PDE1C: variants seen among roughly 807,000 people sequenced by gnomAD.
The protein encoded by PDE1C is dual specificity calcium/calmodulin-dependent 3',5'-cyclic nucleotide phosphodiesterase 1C.
PDE1C carries 62 observed loss-of-function variants against 93.1 expected under a neutral mutation model. The observed-to-expected ratio is 0.67, with a 90% CI of 0.54 to 0.82. The LOEUF is 0.82. PDE1C is among the 40% of genes least tolerant of loss of function. The pLI is 0.00. For synonymous variants in PDE1C, 325 were observed against 310.1 expected (o/e 1.05, Z -0.50); for missense variants, 742 against 884.6 (o/e 0.84, Z 2.04).
chr7:31,713,571 T>C, the PDE1C span, among the ~76,000 whole-genome samples: 32 of 152,336 alleles, frequency 2.1e-4, no homozygotes, highest in Admixed American at 3.9e-4. Context: ...GACACTGTGT[T>C]GGGGCTCCAA....
chr7:31,865,371 G>A (rs1397855666), intron 6 of PDE1C, among the ~76,000 whole-genome samples: 1 of 152,146 alleles, frequency 6.6e-6, no homozygotes, highest in African/African-American at 2.4e-5. Context: ...TTAGTAACAT[G>A]TAAAGCAGTA....
rs540936298 is a variant in PDE1C, at chr7:32,083,609, G to A, written c.308+86176C>T. On this transcript the variant is annotated intron_variant, in intron 3 of 18. Coordinates refer to the PDE1C transcript ENST00000396193. ...TTAAGGGCAGCCAGAGAGAAAGGTC[G>A]GATTACCCACAAAGGGAAGCCCATC... Among the ~76,000 whole-genome samples the A allele has an allele frequency of 7.0e-3, 1,068 of 152,216 alleles. 16 individuals are homozygous for A. The highest frequency in any genetic ancestry group is 0.023 in the African/African-American group (946 of 41,534).
intron 2 of PDE1C, among the ~76,000 whole-genome samples, chr7:31,950,383 G>A (rs570185906): frequency 1.3e-5 from 2 of 152,166 alleles, no homozygotes; most frequent in East Asian, 3.9e-4. Context: ...AACCAAATGA[G>A]CACACCTCCA....
chr7:31,995,330 T>C (rs916321503), intron 2 of PDE1C, among the ~76,000 whole-genome samples: 1 of 151,792 alleles, frequency 6.6e-6, no homozygotes, highest in African/African-American at 2.4e-5. Flanking sequence ...GACAAGAGAG[T>C]CCATTACGCA....
At position 32,353,717 on chromosome 7, in the gene PDE1C, T is replaced by A. The variant is rs560161749; in HGVS notation, c.310+74105A>T. Among the ~76,000 whole-genome samples the A allele has an allele frequency of 2.0e-5, 3 of 152,340 alleles. No individual in the cohort carries two copies. In the South Asian group the frequency reaches 6.2e-4, roughly 32 times the overall value. The stretch of plus-strand genomic sequence containing the variant: ...TGAGTGTATTGTCTTTGAGATTGTT[T>A]TAAATTTCTTGCATGAGAGGAACTG... On this transcript the variant is annotated intron_variant, in intron 1 of 1. Coordinates refer to the PDE1C transcript ENST00000672256.
intron 1 of PDE1C, among the ~76,000 whole-genome samples, chr7:32,310,603 C>A (rs1192559803): frequency 6.6e-6 from 1 of 152,190 alleles, no homozygotes; most frequent in African/African-American, 2.4e-5. Flanking sequence ...GAAACTCACT[C>A]AAAACTGCTC....
At chr7:32,382,990 TAC>T (rs1370093401) in intron 1 of PDE1C, among the ~76,000 whole-genome samples, 1 of 152,060 alleles carries the variant, frequency 6.6e-6, no homozygotes, top group Non-Finnish European at 1.5e-5. Context: ...TTCAAATACA[TAC>T]ACACACACAC....
chr7:31,999,136 C>G (rs1002149734), intron 2 of PDE1C, among the ~76,000 whole-genome samples: 2 of 152,072 alleles, frequency 1.3e-5, no homozygotes, highest in Non-Finnish European at 2.9e-5. Context: ...CACTGTGTAC[C>G]GGGCACTGTG....
At chr7:31,720,124 C>T in the PDE1C span, among the ~76,000 whole-genome samples, 1 of 136,168 alleles carries the variant, frequency 7.3e-6, no homozygotes, top group African/African-American at 2.8e-5. Flanking sequence ...GATTGCGCCA[C>T]TGCAGTCCGC....
chr7:31,893,467 G>A, intron 2 of PDE1C: 1 of 984,274 alleles, frequency 1.0e-6, no homozygotes, highest in Non-Finnish European at 1.2e-6. Flanking sequence ...GAAGAATTGG[G>A]AAGACTTACT....
intron 2 of PDE1C, among the ~76,000 whole-genome samples, chr7:32,183,223 G>A (rs1202675163): frequency 3.9e-5 from 6 of 152,110 alleles, no homozygotes; most frequent in Non-Finnish European, 8.8e-5. Flanking sequence ...TGGCCATACT[G>A]CCCAAGGTAA....
chr7:31,792,588 T>C (rs1268839219), intron 16 of PDE1C, among the ~76,000 whole-genome samples: 2 of 152,152 alleles, frequency 1.3e-5, no homozygotes, highest in Admixed American at 1.3e-4. Context: ...TGGCTTTCTA[T>C]GGAGCTAATC....
chr7:31,839,159 TGTATGTATACACACATACATATAC>T (rs1318663407), intron 9 of PDE1C, among the ~76,000 whole-genome samples: 2 of 149,080 alleles, frequency 1.3e-5, no homozygotes, highest in Non-Finnish European at 3.0e-5. Context: ...TATGTATATA[TGTATGTATACACACATACATATAC>T]GTATGTATAC....
At chr7:31,633,175 G>A in the PDE1C span, among the ~76,000 whole-genome samples, 5 of 151,786 alleles carry the variant, frequency 3.3e-5, no homozygotes, top group South Asian at 2.1e-4. Flanking sequence ...GTGAGCTACC[G>A]CGACCGGCCA....
chr7:31,766,607 G>A (rs1323958590), intron 17 of PDE1C, among the ~76,000 whole-genome samples: 1 of 152,114 alleles, frequency 6.6e-6, no homozygotes, highest in Admixed American at 6.5e-5. Flanking sequence ...CCATCCTCCA[G>A]AATTTGGTAT....
intron 2 of PDE1C, among the ~76,000 whole-genome samples, chr7:32,002,033 TG>T (rs1785533024): frequency 6.6e-6 from 1 of 152,158 alleles, no homozygotes. Flanking sequence ...CACTCCAGCC[TG>T]GGTGACAGAG....
chr7:31,981,199 T>C lies in PDE1C; in HGVS notation c.128+70355A>G, dbSNP rs1812322799. Among the ~76,000 whole-genome samples, 3 of 152,202 alleles carry C rather than the reference T, an allele frequency of 2.0e-5. No homozygotes were observed. In the South Asian group the frequency reaches 6.2e-4, roughly 31 times the overall value. On this transcript the variant is annotated intron_variant, in intron 2 of 17. Transcript: ENST00000396191. ...AACTCAATCTTATTATAATAAGCTA[T>C]GTCAGGCTATAGTCAAGAATATTAC... is the stretch of plus-strand genomic sequence containing the variant.
intron 9 of PDE1C, among the ~76,000 whole-genome samples, chr7:31,841,677 A>C (rs1115731): frequency 0.2 from 30,378 of 152,054 alleles, 3,246 homozygotes; most frequent in Middle Eastern, 0.3. Flanking sequence ...TTAATTTTTG[A>C]ATGCTGAATT....
chr7:32,286,948 C>T (rs1457695767), intron 1 of PDE1C, among the ~76,000 whole-genome samples: 1 of 152,280 alleles, frequency 6.6e-6, no homozygotes, highest in East Asian at 1.9e-4. Context: ...CTCCAGCCCC[C>T]AAGGACCACC....
Sources: allele counts gnomAD v4.1 joint callset (sites outside exome capture counted in the v4.1 genomes callset), GRCh38; gene constraint gnomAD v4.1.1; transcripts MANE v1.5; gene names NCBI Gene and HGNC (gene_info 2026-07-23, HGNC 2026-07-21).